PDE1A: variants seen among roughly 807,000 people sequenced by gnomAD.
The protein encoded by PDE1A is phosphodiesterase 1A.
A neutral mutation model predicts 61.7 loss-of-function variants in PDE1A; 35 were observed. The ratio of observed to expected loss-of-function variants is 0.57; its 90% confidence interval spans 0.43 to 0.75. The LOEUF is 0.75. PDE1A is among the 30% of genes least tolerant of loss of function. The pLI is 0.00. For synonymous variants in PDE1A, 232 were observed against 213.2 expected (o/e 1.09, Z -0.77); for missense variants, 597 against 630.6 (o/e 0.95, Z 0.57).
intron 1 of PDE1A, among the ~76,000 whole-genome samples, chr2:182,408,060 GATA>G (rs369170386): frequency 2.6e-3 from 388 of 151,462 alleles, no homozygotes; most frequent in Middle Eastern, 0.01. Context: ...GGCATGTGAT[GATA>G]ATAAAAAGGA....
intron 1 of PDE1A, among the ~76,000 whole-genome samples, chr2:182,332,923 T>C (rs1321823749): frequency 1.3e-5 from 2 of 151,832 alleles, no homozygotes; most frequent in South Asian, 2.1e-4. Flanking sequence ...AAAGCAGGGA[T>C]TGCAATCCTA....
In PDE1A at chr2:182,317,252, CT is replaced by C. The variant is rs34087191; in HGVS notation, c.54-52839del. Among the ~76,000 whole-genome samples the C allele has an allele frequency of 7.2e-3, 1,028 of 142,456 alleles. 5 individuals carry two copies. The highest frequency in any genetic ancestry group is 0.013 in the African/African-American group (505 of 39,216). 93.5% of individuals were successfully genotyped at this position (142,456 alleles called of 152,430 possible). On this transcript the variant is annotated intron_variant, in intron 1 of 13. Transcript: ENST00000351439. ...ATGCTCTTGGAACATTTCTCACAAA[CT>C]TTTTTTTTTTTTTTGAGGATAAGAG...
chr2:182,399,291 A>G (rs989426636), intron 1 of PDE1A, among the ~76,000 whole-genome samples: 1 of 152,008 alleles, frequency 6.6e-6, no homozygotes, highest in African/African-American at 2.4e-5. Context: ...TGACACATGC[A>G]TAGATTAATG....
the PDE1A span, among the ~76,000 whole-genome samples, chr2:182,619,296 A>G: frequency 6.6e-6 from 1 of 152,148 alleles, no homozygotes; most frequent in Non-Finnish European, 1.5e-5. Context: ...GAGAAATATT[A>G]CTGATGTGTA....
chr2:182,532,945 CAAAAAAAAAAAAA>C, the PDE1A span, among the ~76,000 whole-genome samples: 1 of 21,178 alleles, frequency 4.7e-5, no homozygotes, highest in South Asian at 3.8e-3. Context: ...GACTCCGTCT[CAAAAAAAAAAAAA>C]AAAAAAAAAA....
intron 11 of PDE1A, among the ~76,000 whole-genome samples, chr2:182,188,711 T>C (rs1353078287): frequency 2.0e-5 from 3 of 152,166 alleles, no homozygotes; most frequent in South Asian, 2.1e-4. Context: ...CATAAAATGG[T>C]CTCCCACACA....
intron 2 of PDE1A, among the ~76,000 whole-genome samples, chr2:182,492,717 A>C (rs998473751): frequency 1.1e-4 from 16 of 152,216 alleles, no homozygotes; most frequent in Non-Finnish European, 1.8e-4. Flanking sequence ...GAGAAGAATC[A>C]ACTTTTCTGT....
intron 1 of PDE1A, among the ~76,000 whole-genome samples, chr2:182,296,805 T>C (rs950987845): frequency 3.3e-5 from 5 of 152,174 alleles, no homozygotes; most frequent in Non-Finnish European, 7.4e-5. Context: ...AATAGATTGC[T>C]CTCACTCATG....
At chr2:182,347,087 C>T (rs1165765600) in intron 1 of PDE1A, among the ~76,000 whole-genome samples, 1 of 151,490 alleles carries the variant, frequency 6.6e-6, no homozygotes, top group Non-Finnish European at 1.5e-5. Context: ...GTTAAGTCCT[C>T]ATCTATGTCA....
the PDE1A span, among the ~76,000 whole-genome samples, chr2:182,670,224 T>G: frequency 6.6e-6 from 1 of 152,220 alleles, no homozygotes; most frequent in African/African-American, 2.4e-5. Flanking sequence ...GGGTTTACCC[T>G]ACACCTGTTT....
intron 2 of PDE1A, among the ~76,000 whole-genome samples, chr2:182,488,949 A>C (rs1284206772): frequency 6.6e-6 from 1 of 152,220 alleles, no homozygotes; most frequent in Non-Finnish European, 1.5e-5. Context: ...GCTTTTATGA[A>C]GTTTGCTTTC....
intron 1 of PDE1A, among the ~76,000 whole-genome samples, chr2:182,378,952 T>G (rs899270888): frequency 1.3e-5 from 2 of 152,232 alleles, no homozygotes; most frequent in Non-Finnish European, 2.9e-5. Flanking sequence ...AATCTAAACA[T>G]AGCATTTGTT....
chr2:182,709,509 C>T, the PDE1A span, among the ~76,000 whole-genome samples: 1 of 152,054 alleles, frequency 6.6e-6, no homozygotes, highest in East Asian at 1.9e-4. Flanking sequence ...GTATAGTAGA[C>T]CAACCAATGA....
At chr2:182,373,321 CAAAGCCAAATGACAAGGG>C (rs1467374900) in intron 1 of PDE1A, among the ~76,000 whole-genome samples, 2 of 152,118 alleles carry the variant, frequency 1.3e-5, no homozygotes, top group Admixed American at 6.5e-5. Flanking sequence ...TGGTGGAAGG[CAAAGCCAAATGACAAGGG>C]ACTGCTAAGG....
chr2:182,461,842 T>C lies in PDE1A; in HGVS notation c.101+60434A>G, dbSNP rs1216506419. ...AGCCTCATCCTCATGGTGTATCTCA[T>C]TGGCAGCAAAAAGGTTATTCTCACC... is the stretch of plus-strand genomic sequence containing the variant. On this transcript the variant is annotated intron_variant, in intron 2 of 14. Transcript: ENST00000410103. Among the ~76,000 whole-genome samples, 5 of 152,108 alleles carry C rather than the reference T, an allele frequency of 3.3e-5. No homozygotes were observed. The East Asian group carries it at 7.7e-4, about 24-fold the overall frequency.
chr2:182,276,914 C>T (rs940921434), intron 1 of PDE1A, among the ~76,000 whole-genome samples: 4 of 151,908 alleles, frequency 2.6e-5, no homozygotes, highest in African/African-American at 9.7e-5. Context: ...GCAGTACCCT[C>T]GGGCTTATTA....
In PDE1A at chr2:182,415,859, T is replaced by C. The variant is rs2125548990; in HGVS notation, c.53+10719A>G. On this transcript the variant is annotated intron_variant, in intron 1 of 13. Coordinates refer to ENST00000351439, the Ensembl canonical transcript of PDE1A. ...TAACTCTAAGTAGCTAAAAACAATG[T>C]TTAAGGACATTCAAATCACTTCCTT... Among the ~76,000 whole-genome samples, 2 of 152,286 alleles carry C rather than the reference T, an allele frequency of 1.3e-5. 1 individual carries two copies. The highest frequency in any genetic ancestry group is 3.9e-4 in the East Asian group (2 of 5,188).
chr2:182,596,779 G>A, the PDE1A span, among the ~76,000 whole-genome samples: 1 of 152,128 alleles, frequency 6.6e-6, no homozygotes. Flanking sequence ...CAGCTACAAT[G>A]AAAGCTGTAG....
the PDE1A span, among the ~76,000 whole-genome samples, chr2:182,662,370 C>A: frequency 1.4e-5 from 2 of 143,560 alleles, no homozygotes; most frequent in South Asian, 4.2e-4. Context: ...AACTTTTTCC[C>A]GAATAGCCAC....
Sources: allele counts gnomAD v4.1 joint callset (sites outside exome capture counted in the v4.1 genomes callset), GRCh38; gene constraint gnomAD v4.1.1; transcripts MANE v1.5; gene names NCBI Gene and HGNC (gene_info 2026-07-23, HGNC 2026-07-21).